The following JMJD1C variants were observed in gnomAD, a reference collection of about 807,000 sequenced individuals.
JMJD1C encodes the protein jumonji domain-containing protein 1C.
JMJD1C carries 31 observed loss-of-function variants against 245.3 expected under a neutral mutation model. The ratio of observed to expected loss-of-function variants is 0.13; its 90% confidence interval spans 0.09 to 0.17. The LOEUF (loss-of-function observed/expected upper bound fraction) is 0.17, where lower values mean the gene tolerates loss of function less well. JMJD1C is among the 10% of genes least tolerant of loss of function. The probability of loss-of-function intolerance (pLI) is 1.00; values close to 1 mark genes in which losing one functional copy is unlikely to be tolerated. For synonymous variants in JMJD1C, 1,057 were observed against 1,017.4 expected, an observed-to-expected ratio of 1.04 and a Z score of -0.74; for missense variants, 2,691 against 3,000.2, an observed-to-expected ratio of 0.90 and a Z score of 2.41.
intron 3 of JMJD1C, among the ~76,000 whole-genome samples, chr10:63,258,026 T>C (rs1014749712): frequency 1.3e-5 from 2 of 152,160 alleles, no homozygotes; most frequent in Non-Finnish European, 2.9e-5. Flanking sequence ...AGTGTGTGAA[T>C]GGTAGGAAGA....
chr10:63,248,533 A>ATAGATAGATAGATAAATAT (rs772885370), intron 3 of JMJD1C, among the ~76,000 whole-genome samples: 1 of 56,478 alleles, frequency 1.8e-5, no homozygotes, highest in African/African-American at 1.1e-4. Context: ...TAGATAGATA[A>ATAGATAGATAGATAAATAT]ATAAATAAAT....
chr10:63,186,017 C>T (rs553979998), intron 19 of JMJD1C, among the ~76,000 whole-genome samples, 198 bp downstream of exon 19: 2 of 152,134 alleles, frequency 1.3e-5, no homozygotes, highest in Non-Finnish European at 2.9e-5. Context: ...ACAGTATAAA[C>T]GGCATCTTTA....
chr10:63,482,153 T>C (rs184991097), intron 1 of JMJD1C, among the ~76,000 whole-genome samples: 172 of 152,202 alleles, frequency 1.1e-3, no homozygotes, highest in Middle Eastern at 3.4e-3. Context: ...CCTTACGACA[T>C]TGATGAGGAA....
intron 2 of JMJD1C, among the ~76,000 whole-genome samples, chr10:63,307,520 G>A (rs1938438843): frequency 6.6e-6 from 1 of 152,092 alleles, no homozygotes; most frequent in African/African-American, 2.4e-5. Flanking sequence ...AACAGAAAAA[G>A]CAACGGCAAT....
chr10:63,501,006 A>G (rs1954541190), intron 1 of JMJD1C, among the ~76,000 whole-genome samples: 1 of 98,378 alleles, frequency 1.0e-5, no homozygotes, highest in Admixed American at 1.2e-4. Context: ...TTCATATAAG[A>G]TAGACTTCAT....
intron 2 of JMJD1C, among the ~76,000 whole-genome samples, chr10:63,346,459 C>CAA (rs1943823895): frequency 2.0e-5 from 3 of 152,178 alleles, no homozygotes; most frequent in Admixed American, 2.0e-4. Context: ...TCTCACTTAG[C>CAA]AATATGCTTC....
At chr10:63,461,721 C>T (rs16918488) in intron 1 of JMJD1C, among the ~76,000 whole-genome samples, 5,596 of 152,064 alleles carry the variant, frequency 0.037, 329 homozygotes, top group East Asian at 0.29. Context: ...AAAAACCAGA[C>T]ATATTTTATT....
At position 63,243,126 on chromosome 10, in the gene JMJD1C, A is replaced by ATATATATATATATATATATAT. The variant is rs1564669004; in HGVS notation, c.447+21524_447+21525insATATATATATATATATATATA. 7.9e-4 allele frequency among the ~76,000 whole-genome samples: 34 copies of ATATATATATATATATATATAT among 43,044 alleles called. 1 individual carries two copies. The highest frequency in any genetic ancestry group is 1.7e-3 in the South Asian group (2 of 1,148). The allele number at this position is 43,044 out of a possible 152,430, so 28.2% of individuals were successfully genotyped here. ...AATTATATATATATATATATATATA[A>ATATATATATATATATATATAT]ATATATATATGGCTAGATAGGTATC... On this transcript the variant is annotated intron_variant, in intron 3 of 25. Coordinates refer to ENST00000399262, the MANE Select transcript of JMJD1C (RefSeq NM_032776.3).
chr10:63,480,489 A>G (rs978780292), intron 1 of JMJD1C, among the ~76,000 whole-genome samples: 4 of 152,078 alleles, frequency 2.6e-5, no homozygotes, highest in South Asian at 2.1e-4. Context: ...GGCCTAAACT[A>G]TAGTTTTATA....
chr10:63,465,478 G>C lies in JMJD1C; in HGVS notation c.168+17C>G. On this transcript the variant is annotated intron_variant, in intron 1 of 25. Coordinates refer to ENST00000399262, the MANE Select transcript of JMJD1C (RefSeq NM_032776.3). Reference sequence around the variant, plus strand: ...TGCGGGCGCGGCAGGGGAAAAGGGGGGCGCTGACTCTCTTACCGCCAGGTC... The same window carrying C: ...TGCGGGCGCGGCAGGGGAAAAGGGGCGCGCTGACTCTCTTACCGCCAGGTC... 1.9e-6 allele frequency: 3 copies of C among 1,585,462 alleles called. No individual in the cohort carries two copies. Among genetic ancestry groups the C allele is most frequent in the South Asian group, 1.1e-5 (1 of 88,132 alleles).
intron 1 of JMJD1C, among the ~76,000 whole-genome samples, chr10:63,519,230 G>C (rs1034577566): frequency 2.0e-5 from 3 of 152,154 alleles, no homozygotes; most frequent in African/African-American, 7.2e-5. Context: ...GCAGTCTAGG[G>C]ACATTTCAGA....
intron 1 of JMJD1C, among the ~76,000 whole-genome samples, chr10:63,474,032 A>C (rs1213387906): frequency 6.6e-6 from 1 of 152,012 alleles, no homozygotes; most frequent in East Asian, 1.9e-4. Flanking sequence ...GACAAGAGTG[A>C]AACTCTGTCT....
rs571214545 is a variant in JMJD1C at position 63,332,911 on chromosome 10, T to C, written c.333+47407A>G. Among the ~76,000 whole-genome samples, 3 of 152,280 alleles carry C rather than the reference T, an allele frequency of 2.0e-5. No homozygotes were observed. The South Asian group carries it at 6.2e-4, about 32-fold the overall frequency. On this transcript the variant is annotated intron_variant, in intron 2 of 25. Transcript: ENST00000399262. ...TTAGATTCATTGTTTCTATTATCATTTCCAGTTTTAAACCATTATGCTAAT... is the reference window on the plus strand; with the variant it reads ...TTAGATTCATTGTTTCTATTATCATCTCCAGTTTTAAACCATTATGCTAAT...
intron 3 of JMJD1C, among the ~76,000 whole-genome samples, chr10:63,223,219 T>G (rs1237886733): frequency 2.2e-5 from 3 of 137,350 alleles, no homozygotes; most frequent in South Asian, 4.6e-4. Flanking sequence ...TAAACTGTTT[T>G]TTCTGTGCTG....
chr10:63,255,187 G>A (rs1853704830), intron 3 of JMJD1C, among the ~76,000 whole-genome samples: 2 of 152,138 alleles, frequency 1.3e-5, no homozygotes, highest in South Asian at 4.1e-4. Context: ...GAACCTAGAT[G>A]CCAAGTCACA....
chr10:63,452,154 G>C (rs776967759), intron 1 of JMJD1C, among the ~76,000 whole-genome samples: 1 of 152,002 alleles, frequency 6.6e-6, no homozygotes, highest in Admixed American at 6.6e-5. Flanking sequence ...ATGTGAAAAG[G>C]CAACCCACAG....
At chr10:63,436,857 C>G (rs1951084675) in intron 1 of JMJD1C, among the ~76,000 whole-genome samples, 1 of 152,094 alleles carries the variant, frequency 6.6e-6, no homozygotes, top group Non-Finnish European at 1.5e-5. Context: ...ACAGCAATCC[C>G]TCAAAAATCT....
chr10:63,510,377 C>G (rs1337748126), intron 1 of JMJD1C, among the ~76,000 whole-genome samples: 1 of 152,314 alleles, frequency 6.6e-6, no homozygotes, highest in African/African-American at 2.4e-5. Flanking sequence ...GGTTTCACTA[C>G]ATCTCACAAA....
At chr10:63,315,996 CCT>C (rs946991426) in intron 2 of JMJD1C, among the ~76,000 whole-genome samples, 5 of 151,920 alleles carry the variant, frequency 3.3e-5, no homozygotes, top group Admixed American at 2.0e-4. Flanking sequence ...TAGTGAGACC[CCT>C]GTCTCCTTAA....
Sources: allele counts gnomAD v4.1 joint callset (sites outside exome capture counted in the v4.1 genomes callset), GRCh38; gene constraint gnomAD v4.1.1; transcripts MANE v1.5; gene names NCBI Gene and HGNC (gene_info 2026-07-23, HGNC 2026-07-21).